Variants in TNNI3K observed in about 807,000 individuals in gnomAD.
The protein encoded by TNNI3K is TNNI3 interacting kinase, also known as serine/threonine-protein kinase TNNI3K.
A neutral mutation model predicts 114.5 loss-of-function variants in TNNI3K; 140 were observed. The observed-to-expected ratio is 1.22, with a 90% confidence interval of 1.07 to 1.41. The LOEUF is 1.41. TNNI3K is among the 40% of genes most tolerant of loss of function. The pLI is 0.00. For synonymous variants in TNNI3K, 347 were observed against 347.5 expected, an observed-to-expected ratio of 1.00 and a Z score of 0.02; for missense variants, 1,125 against 1,007.6, an observed-to-expected ratio of 1.12 and a Z score of -1.58.
intron 21 of TNNI3K, chr1:74,471,565 T>C (rs1667933873): frequency 2.5e-6 from 1 of 400,720 alleles, no homozygotes; most frequent in Non-Finnish European, 4.4e-6. Context: ...TTCTCCTTTG[T>C]TTCTCTCCCC....
chr1:74,266,715 G>A (rs983450821), intron 4 of TNNI3K, among the ~76,000 whole-genome samples: 12 of 151,916 alleles, frequency 7.9e-5, no homozygotes, highest in South Asian at 2.1e-4. Flanking sequence ...TGATATAGTG[G>A]TTGCTTATCT....
chr1:74,494,034 G>T (rs1392058822), intron 23 of TNNI3K, among the ~76,000 whole-genome samples: 1 of 152,142 alleles, frequency 6.6e-6, no homozygotes, highest in African/African-American at 2.4e-5. Context: ...AGCAAAGAAG[G>T]CAGTCACTGT....
rs530487888 is a variant in TNNI3K at position 74,395,655 on chromosome 1, A to G, written c.1772+25263A>G. ...GAGTGCAGAGTCCCAATCCGTGGTT[A>G]TGTCCTCCCACAAGGGAAACAGCTG... On this transcript the variant is annotated intron_variant, in intron 17 of 24. Transcript: ENST00000326637. Among the ~76,000 whole-genome samples, 9 of 152,316 alleles carry G rather than the reference A, an allele frequency of 5.9e-5. No homozygotes were observed. The South Asian group carries it at 1.9e-3, about 32-fold the overall frequency.
intron 11 of TNNI3K, among the ~76,000 whole-genome samples, chr1:74,364,120 C>A (rs1557521991): frequency 6.6e-6 from 1 of 151,266 alleles, no homozygotes; most frequent in Non-Finnish European, 1.5e-5. Flanking sequence ...CCACCTCAGG[C>A]TACCCAGTAG....
chr1:74,428,232 C>T (rs1365833918), intron 17 of TNNI3K, among the ~76,000 whole-genome samples: 1 of 152,034 alleles, frequency 6.6e-6, no homozygotes, highest in Non-Finnish European at 1.5e-5. Flanking sequence ...TTTTCTCTAA[C>T]CTAGATTATG....
chr1:74,348,541 A>T (rs567191658), intron 9 of TNNI3K, among the ~76,000 whole-genome samples: 7 of 152,208 alleles, frequency 4.6e-5, no homozygotes, highest in African/African-American at 1.7e-4. Context: ...GAAGAAAGTC[A>T]TTGGTAGCTT....
At chr1:74,390,014 G>T (rs1486484777) in intron 17 of TNNI3K, among the ~76,000 whole-genome samples, 1 of 152,178 alleles carries the variant, frequency 6.6e-6, no homozygotes, top group Non-Finnish European at 1.5e-5. Flanking sequence ...AGAAGATAAT[G>T]ATATTAGAGG....
chr1:74,280,781 A>G (rs1439298067), intron 5 of TNNI3K, among the ~76,000 whole-genome samples: 1 of 152,170 alleles, frequency 6.6e-6, no homozygotes, highest in Non-Finnish European at 1.5e-5. Context: ...GCAAGTACTG[A>G]TGCTCTTCTG....
intron 20 of TNNI3K, among the ~76,000 whole-genome samples, chr1:74,462,168 G>T (rs1251986056): frequency 6.6e-6 from 1 of 152,046 alleles, no homozygotes; most frequent in Non-Finnish European, 1.5e-5. Context: ...TTTACAATTG[G>T]CAAAATTAGG....
At chr1:74,358,383 A>G (rs2100492329) in intron 11 of TNNI3K, among the ~76,000 whole-genome samples, 1 of 152,220 alleles carries the variant, frequency 6.6e-6, no homozygotes, top group Non-Finnish European at 1.5e-5. Flanking sequence ...TACTTTGTTC[A>G]TTCCTTTTGA....
chr1:74,365,859 AGAAAG>A (rs146891710), intron 11 of TNNI3K, among the ~76,000 whole-genome samples: 1 of 137,522 alleles, frequency 7.3e-6, no homozygotes, highest in African/African-American at 2.7e-5. Flanking sequence ...AGTCATGAAT[AGAAAG>A]CTGGAGATGA....
intron 21 of TNNI3K, among the ~76,000 whole-genome samples, chr1:74,479,144 GTCTC>G (rs1040398986): frequency 3.7e-4 from 57 of 152,120 alleles, no homozygotes; most frequent in African/African-American, 1.3e-3. Context: ...TTGGTCTCTG[GTCTC>G]TCTCTCTTTC....
intron 5 of TNNI3K, among the ~76,000 whole-genome samples, chr1:74,309,300 C>A (rs573271676): frequency 0.014 from 1,705 of 125,198 alleles, 16 homozygotes; most frequent in Non-Finnish European, 0.02. Context: ...CCCCAGGGGG[C>A]GGAGCCTGCA....
intron 11 of TNNI3K, among the ~76,000 whole-genome samples, chr1:74,362,559 G>A (rs1171348090): frequency 2.0e-5 from 3 of 152,002 alleles, no homozygotes; most frequent in Admixed American, 2.0e-4. Flanking sequence ...AAATTGTGGG[G>A]GACAGAGAGA....
intron 23 of TNNI3K, among the ~76,000 whole-genome samples, chr1:74,531,987 T>C (rs561862050): frequency 3.3e-5 from 5 of 152,324 alleles, no homozygotes; most frequent in African/African-American, 9.6e-5. Context: ...CATTGTTAGC[T>C]GCATAAAAAC....
intron 17 of TNNI3K, among the ~76,000 whole-genome samples, chr1:74,382,354 C>G (rs373981574): frequency 3.9e-5 from 6 of 152,260 alleles, no homozygotes; most frequent in South Asian, 2.1e-4. Context: ...ACCAGGACAA[C>G]AGTCAATGGA....
chr1:74,464,993 A>G, intron 21 of TNNI3K: 2 of 1,193,412 alleles, frequency 1.7e-6, no homozygotes, highest in Non-Finnish European at 1.0e-6. Flanking sequence ...CTTGAAAATT[A>G]CATCACATAA....
At chr1:74,336,759 A>G (rs1312851350) in intron 7 of TNNI3K, among the ~76,000 whole-genome samples, 9 of 151,172 alleles carry the variant, frequency 6.0e-5, no homozygotes, top group Non-Finnish European at 1.5e-5. Flanking sequence ...ATTGTTGGAC[A>G]TTTGGGTTGG....
chr1:74,339,591 C>T (rs982001592), intron 7 of TNNI3K, among the ~76,000 whole-genome samples: 1 of 151,990 alleles, frequency 6.6e-6, no homozygotes, highest in African/African-American at 2.4e-5. Flanking sequence ...AACAGAATGT[C>T]ACAAATGAAA....
Sources: gnomAD v4.1 joint callset for allele counts (sites outside exome capture counted in the v4.1 genomes callset) on GRCh38, gnomAD v4.1.1 for gene constraint, MANE v1.5 for transcripts, NCBI Gene and HGNC (gene_info 2026-07-23, HGNC 2026-07-21) for gene names.